SLIT2: variants seen among roughly 807,000 people sequenced by gnomAD.
The protein encoded by SLIT2 is slit homolog 2 protein.
SLIT2 carries 41 observed loss-of-function variants against 185.7 expected under a neutral mutation model. The ratio of observed to expected loss-of-function variants is 0.22; its 90% CI spans 0.17 to 0.29. The LOEUF (loss-of-function observed/expected upper bound fraction) is 0.29. Ranked by LOEUF, SLIT2 falls within the 10% of genes least tolerant of loss-of-function variation. SLIT2 has a pLI of 1.00. For synonymous variants in SLIT2, 693 were observed against 680.2 expected (o/e 1.02, Z -0.29); for missense variants, 1,571 against 1,909.0 (o/e 0.82, Z 3.30).
At chr4:20,445,473 G>A (rs1711662529) in intron 4 of SLIT2, among the ~76,000 whole-genome samples, 1 of 152,142 alleles carries the variant, frequency 6.6e-6, no homozygotes, top group Non-Finnish European at 1.5e-5. Context: ...ACGAGAATTA[G>A]GCCTGTCTCC....
At chr4:20,457,372 G>T (rs1713190567) in intron 4 of SLIT2, among the ~76,000 whole-genome samples, 1 of 151,822 alleles carries the variant, frequency 6.6e-6, no homozygotes, top group South Asian at 2.1e-4. Flanking sequence ...CTAGAAAAAA[G>T]AATGTTCAAG....
chr4:20,340,350 C>A (rs1038392611), intron 4 of SLIT2, among the ~76,000 whole-genome samples: 2 of 151,978 alleles, frequency 1.3e-5, no homozygotes, highest in East Asian at 1.9e-4. Context: ...AAAACAAAAT[C>A]AAAAATCCCT....
intron 4 of SLIT2, among the ~76,000 whole-genome samples, chr4:20,351,392 A>G (rs1478306019): frequency 2.0e-5 from 3 of 152,146 alleles, no homozygotes; most frequent in Non-Finnish European, 4.4e-5. Context: ...TTGGCTATGG[A>G]TGTGTAGATA....
chr4:20,609,108 TA>T (rs1205950217), intron 33 of SLIT2, among the ~76,000 whole-genome samples: 2 of 152,216 alleles, frequency 1.3e-5, no homozygotes, highest in South Asian at 2.1e-4. Context: ...ACACCAGAGT[TA>T]GATATGCAAC....
chr4:20,439,554 A>T (rs1038986346), intron 4 of SLIT2, among the ~76,000 whole-genome samples: 2 of 152,180 alleles, frequency 1.3e-5, no homozygotes, highest in African/African-American at 4.8e-5. Flanking sequence ...AAGGACACCG[A>T]TAATATCGGA....
At chr4:20,495,325 G>A (rs758780261) in intron 9 of SLIT2, among the ~76,000 whole-genome samples, 6 of 152,154 alleles carry the variant, frequency 3.9e-5, no homozygotes, top group Non-Finnish European at 5.9e-5. Context: ...AGAGAGAAAC[G>A]AGAGTGTGAG....
At chr4:20,357,651 G>C (rs78544571) in intron 4 of SLIT2, among the ~76,000 whole-genome samples, 3,074 of 152,142 alleles carry the variant, frequency 0.02, 91 homozygotes, top group African/African-American at 0.069. Context: ...TTACTGGTTT[G>C]TGATATAGGA....
intron 4 of SLIT2, among the ~76,000 whole-genome samples, chr4:20,462,233 C>T (rs996271644): frequency 2.0e-5 from 3 of 152,072 alleles, no homozygotes; most frequent in Non-Finnish European, 4.4e-5. Context: ...CTTTCCAGCT[C>T]CCCTCATTTC....
At chr4:20,437,606 CCT>C in intron 4 of SLIT2, among the ~76,000 whole-genome samples, 1 of 151,954 alleles carries the variant, frequency 6.6e-6, no homozygotes, top group East Asian at 1.9e-4. Flanking sequence ...CAGAGTGAGA[CCT>C]TATCTTATAA....
At chr4:20,438,103 C>T (rs1364452221) in intron 4 of SLIT2, among the ~76,000 whole-genome samples, 2 of 152,072 alleles carry the variant, frequency 1.3e-5, no homozygotes, top group African/African-American at 2.4e-5. Flanking sequence ...TTCTGGAATA[C>T]TCTCTTTTCT....
At chr4:20,532,393 T>A (rs898199463) in intron 17 of SLIT2, among the ~76,000 whole-genome samples, 4 of 113,580 alleles carry the variant, frequency 3.5e-5, no homozygotes, top group African/African-American at 1.3e-4. Flanking sequence ...AACCATGCTG[T>A]TATTTTTTTT....
chr4:20,307,522 A>G (rs1033044810), intron 4 of SLIT2, among the ~76,000 whole-genome samples: 2 of 151,838 alleles, frequency 1.3e-5, no homozygotes, highest in Admixed American at 1.3e-4. Context: ...GGCCTGCTAA[A>G]GTATTGGGAT....
rs568355785 is a variant in SLIT2, at chr4:20,336,763, A to G, written c.395+67882A>G. On this transcript the variant is annotated intron_variant, in intron 4 of 36. Coordinates refer to ENST00000504154, the MANE Select transcript of SLIT2 (RefSeq NM_004787.4). Reference sequence around the variant, plus strand: ...TAGACACAACTGAGCACCAGTTTGCACATGTTCCAAGTGTGAGGGGCTGCC... The same window carrying G: ...TAGACACAACTGAGCACCAGTTTGCGCATGTTCCAAGTGTGAGGGGCTGCC... Among the ~76,000 whole-genome samples, 63 of 152,326 alleles carry G rather than the reference A, an allele frequency of 4.1e-4. 1 individual carries two copies. The South Asian group carries it at 4.8e-3, about 12-fold the overall frequency.
At chr4:20,595,266 T>G (rs1322220595) in intron 30 of SLIT2, among the ~76,000 whole-genome samples, 1 of 152,216 alleles carries the variant, frequency 6.6e-6, no homozygotes, top group Non-Finnish European at 1.5e-5. Context: ...TTAATCTTTT[T>G]TTAAATATGT....
chr4:20,568,843 C>A (rs778150356), intron 28 of SLIT2, 22 bp from the exon 29 acceptor site: 1 of 1,598,600 alleles, frequency 6.3e-7, no homozygotes. Context: ...ATGTTTTTTG[C>A]CTTTTCTCCT....
intron 4 of SLIT2, among the ~76,000 whole-genome samples, chr4:20,274,422 C>T (rs1713957309): frequency 6.6e-6 from 1 of 152,126 alleles, no homozygotes; most frequent in South Asian, 2.1e-4. Context: ...ATAGCCATTA[C>T]CACTTGTCAT....
intron 4 of SLIT2, among the ~76,000 whole-genome samples, chr4:20,437,142 G>T (rs879892268): frequency 3.9e-5 from 6 of 152,074 alleles, no homozygotes; most frequent in African/African-American, 7.2e-5. Context: ...GTCAGGACCT[G>T]CTCTCTAAAA....
chr4:20,363,158 G>A (rs1285631516), intron 4 of SLIT2, among the ~76,000 whole-genome samples: 1 of 152,022 alleles, frequency 6.6e-6, no homozygotes, highest in Non-Finnish European at 1.5e-5. Context: ...TCATGAACAA[G>A]TAATATAGAC....
chr4:20,530,520 C>T (rs1721704631), intron 16 of SLIT2, among the ~76,000 whole-genome samples: 1 of 152,184 alleles, frequency 6.6e-6, no homozygotes, highest in East Asian at 1.9e-4. Flanking sequence ...TGAGCTCAAG[C>T]AATCCTCCTG....
Sources: allele counts gnomAD v4.1 joint callset (sites outside exome capture counted in the v4.1 genomes callset), GRCh38; gene constraint gnomAD v4.1.1; transcripts MANE v1.5; gene names NCBI Gene and HGNC (gene_info 2026-07-23, HGNC 2026-07-21).